The following MARCHF1 variants were observed in gnomAD, a reference collection of about 807,000 sequenced individuals.
MARCHF1 encodes the protein membrane associated ring-CH-type finger 1, also known as E3 ubiquitin-protein ligase MARCHF1.
A neutral mutation model predicts 54.2 loss-of-function variants in MARCHF1; 40 were observed. The ratio of observed to expected loss-of-function variants is 0.74; its 90% CI spans 0.57 to 0.96. The LOEUF (loss-of-function observed/expected upper bound fraction) is 0.96, where lower values mean the gene tolerates loss of function less well. Among genes scored for constraint, MARCHF1 ranks in the 40% least tolerant of loss-of-function variants. The pLI is 0.00. For missense variants in MARCHF1, 586 were observed against 656.5 expected (o/e 0.89, Z 1.17); for synonymous variants, 236 against 236.3 (o/e 1.00, Z 0.01).
At chr4:163,876,573 A>C (rs75107766) in intron 3 of MARCHF1, among the ~76,000 whole-genome samples, 6,179 of 152,242 alleles carry the variant, frequency 0.041, 186 homozygotes, top group Admixed American at 0.056. Flanking sequence ...AATAATGCTC[A>C]CAGGGCAGTT....
At chr4:164,105,312 A>T (rs1383148293) in intron 2 of MARCHF1, among the ~76,000 whole-genome samples, 3 of 139,214 alleles carry the variant, frequency 2.2e-5, no homozygotes, top group Non-Finnish European at 3.2e-5. Flanking sequence ...TGCCAAGTCA[A>T]TCCTAAGCCA....
chr4:163,806,770 T>C (rs186871071), intron 4 of MARCHF1, among the ~76,000 whole-genome samples: 2 of 152,238 alleles, frequency 1.3e-5, no homozygotes, highest in East Asian at 3.9e-4. Context: ...AGGTTTCCAT[T>C]CTCACTTTTA....
chr4:163,901,119 A>G lies in MARCHF1; in HGVS notation c.-38-46950T>C, dbSNP rs60257892. ...GTGATGCATACTGTAGAAGCACTAG[A>G]GTAGTAAAGAGACAATCTGGGTTTA... On this transcript the variant is annotated intron_variant, in intron 3 of 9. Transcript: ENST00000514618. Among the ~76,000 whole-genome samples the G allele has an allele frequency of 7.2e-3, 1,096 of 152,316 alleles. 12 individuals are homozygous for G. The highest frequency in any genetic ancestry group is 0.039 in the East Asian group (203 of 5,180).
At chr4:163,944,736 A>C (rs2110763008) in intron 3 of MARCHF1, among the ~76,000 whole-genome samples, 1 of 152,338 alleles carries the variant, frequency 6.6e-6, no homozygotes, top group African/African-American at 2.4e-5. Flanking sequence ...AATCACGTTA[A>C]TTACAGGCAG....
At chr4:163,859,117 T>C (rs1749850631) in intron 3 of MARCHF1, among the ~76,000 whole-genome samples, 1 of 152,176 alleles carries the variant, frequency 6.6e-6, no homozygotes, top group Non-Finnish European at 1.5e-5. Flanking sequence ...AATCATGACT[T>C]GTAATGAAGG....
chr4:164,077,643 C>G (rs1755007936), intron 2 of MARCHF1, among the ~76,000 whole-genome samples: 1 of 151,992 alleles, frequency 6.6e-6, no homozygotes, highest in African/African-American at 2.4e-5. Context: ...TGACAAAGGG[C>G]TAATATTCAG....
chr4:164,148,264 C>T (rs947992890), intron 1 of MARCHF1, among the ~76,000 whole-genome samples: 6 of 152,136 alleles, frequency 3.9e-5, no homozygotes, highest in Non-Finnish European at 7.4e-5. Flanking sequence ...TGCCAGTTCA[C>T]AAGATTTTGC....
In MARCHF1 at chr4:164,236,493, C is replaced by A. The variant is rs998791837; in HGVS notation, c.-322-124831G>T. On this transcript the variant is annotated intron_variant, in intron 1 of 9. Transcript: ENST00000514618. ...GGGGCCATTTTAAACAGTGAAATCA[C>A]CAACAAAAAGCACTAAAATGGGAAA... Among the ~76,000 whole-genome samples, 17 of 152,108 alleles carry A rather than the reference C, an allele frequency of 1.1e-4. No homozygotes were observed. The East Asian group carries it at 2.3e-3, about 21-fold the overall frequency.
chr4:163,876,879 A>T (rs1750301027), intron 3 of MARCHF1, among the ~76,000 whole-genome samples: 1 of 152,160 alleles, frequency 6.6e-6, no homozygotes, highest in African/African-American at 2.4e-5. Flanking sequence ...CATAAGAAGA[A>T]ATATTGGTAG....
chr4:163,797,973 G>C (rs1298113141), intron 4 of MARCHF1, among the ~76,000 whole-genome samples: 1 of 152,166 alleles, frequency 6.6e-6, no homozygotes, highest in African/African-American at 2.4e-5. Flanking sequence ...TAATTCAGAA[G>C]TTTTTAAAGG....
chr4:164,297,037 G>A (rs991318598), intron 1 of MARCHF1, among the ~76,000 whole-genome samples: 1 of 152,010 alleles, frequency 6.6e-6, no homozygotes, highest in Admixed American at 6.6e-5. Context: ...TTTCCATACC[G>A]TTAAAATAAA....
In MARCHF1 at chr4:163,694,069, T is replaced by C. The variant is rs1315957014; in HGVS notation, c.162+6744A>G. On this transcript the variant is annotated intron_variant, in intron 5 of 9. Coordinates refer to ENST00000514618, the MANE Select transcript of MARCHF1 (RefSeq NM_001394959.1). ...AGGATATGATGAATCAGTTATAACT[T>C]TGCAGCTGCAAGTAGTGAGAGCCCA... is the stretch of plus-strand genomic sequence containing the variant. Among the ~76,000 whole-genome samples the C allele has an allele frequency of 4.6e-5, 7 of 152,168 alleles. No individual in the cohort carries two copies. The South Asian group carries it at 8.3e-4, about 18-fold the overall frequency.
chr4:164,178,824 A>G (rs111651300), intron 1 of MARCHF1, among the ~76,000 whole-genome samples: 1 of 152,144 alleles, frequency 6.6e-6, no homozygotes, highest in Non-Finnish European at 1.5e-5. Context: ...AAATAAAAAT[A>G]TAAGGAGAAG....
At chr4:164,341,683 T>G (rs970166798) in intron 1 of MARCHF1, among the ~76,000 whole-genome samples, 3 of 152,210 alleles carry the variant, frequency 2.0e-5, no homozygotes, top group Admixed American at 1.3e-4. Context: ...GCCTCTTTAA[T>G]AAGGGTACTA....
At chr4:163,671,074 G>A (rs1743720578) in intron 5 of MARCHF1, among the ~76,000 whole-genome samples, 1 of 152,198 alleles carries the variant, frequency 6.6e-6, no homozygotes, top group Non-Finnish European at 1.5e-5. Context: ...GTTGATGAAG[G>A]ATGTAGCTCC....
chr4:163,851,041 C>T (rs1396479634), intron 4 of MARCHF1, among the ~76,000 whole-genome samples: 1 of 152,076 alleles, frequency 6.6e-6, no homozygotes, highest in Non-Finnish European at 1.5e-5. Flanking sequence ...CTGCTAAGAT[C>T]TCAGGGAATT....
At chr4:164,293,785 A>G (rs1734345138) in intron 1 of MARCHF1, among the ~76,000 whole-genome samples, 2 of 152,228 alleles carry the variant, frequency 1.3e-5, no homozygotes, top group African/African-American at 4.8e-5. Flanking sequence ...GCTCCCATGC[A>G]TTAGTTCCTC....
chr4:163,612,970 G>T lies in MARCHF1; in HGVS notation c.311C>A (p.Pro104His). 1 of 1,533,922 alleles carries T rather than the reference G, an allele frequency of 6.5e-7. No homozygotes were observed. Among genetic ancestry groups the T allele is most frequent in the Non-Finnish European group, 8.7e-7 (1 of 1,145,922 alleles). ...TTTCTTACCAGACTCCTTCCTAGCA[G>T]GGCTCAGCACCATGACAGGGGTGCA... ...EYCTPVMVLS[P>H]ARKESGKKSV... Residue 104 changes from proline to histidine, a missense_variant, in exon 7 of 10, where the codon CCT (proline) becomes CAT (histidine). Pro to His is a moderately conservative substitution (Grantham distance 77). This residue lies in a region of MARCHF1 where 387 missense variants were observed against 394.6 expected (regional missense o/e 0.98). Transcript: ENST00000514618.
At chr4:164,350,806 G>A (rs1314546167) in intron 1 of MARCHF1, among the ~76,000 whole-genome samples, 8 of 152,114 alleles carry the variant, frequency 5.3e-5, no homozygotes, top group Admixed American at 3.3e-4. Context: ...CTCCCAGCGT[G>A]AGCGACGCAG....
Sources: gnomAD v4.1 joint callset for allele counts (sites outside exome capture counted in the v4.1 genomes callset) on GRCh38, gnomAD v4.1.1 for gene constraint, gnomAD v4.1.1 regional missense constraint, MANE v1.5 for transcripts, NCBI Gene and HGNC (gene_info 2026-07-23, HGNC 2026-07-21) for gene names.